Variants in DIAPH2 observed in about 807,000 individuals in gnomAD.
DIAPH2 encodes diaphanous related formin 2, also known as protein diaphanous homolog 2.
In DIAPH2, 35 loss-of-function variants were observed where a neutral mutation model predicts 92.7. The ratio of observed to expected loss-of-function variants is 0.38; its 90% CI spans 0.29 to 0.50. The LOEUF is 0.50. DIAPH2 is among the 20% of genes least tolerant of loss of function. The pLI, the probability that DIAPH2 is intolerant of heterozygous loss-of-function variation, is 0.94. For missense variants in DIAPH2, 701 were observed against 819.5 expected, an observed-to-expected ratio of 0.86 and a Z score of 1.77; for synonymous variants, 301 against 280.4, an observed-to-expected ratio of 1.07 and a Z score of -0.73.
intron 5 of DIAPH2, chrX:96,885,013 A>G (rs2065249987): frequency 1.7e-6 from 2 of 1,211,208 alleles, no homozygotes; most frequent in East Asian, 3.0e-5. Flanking sequence ...CGTCAAGGCC[A>G]TCAAGGAAGC....
chrX:97,439,593 G>GAAAAC (rs1488863768), intron 26 of DIAPH2, among the ~76,000 whole-genome samples: 1 of 108,805 alleles, frequency 9.2e-6, no homozygotes, highest in Non-Finnish European at 1.9e-5. Context: ...GAAAAGAAAA[G>GAAAAC]AAAATTAGCC....
At chrX:97,436,886 G>A (rs1206738526) in intron 26 of DIAPH2, among the ~76,000 whole-genome samples, 1 of 111,989 alleles carries the variant, frequency 8.9e-6, no homozygotes, top group East Asian at 2.8e-4. Flanking sequence ...CAAAGTAGGG[G>A]GGAAATGCCT....
At chrX:97,467,049 C>A (rs1013775828) in intron 26 of DIAPH2, among the ~76,000 whole-genome samples, 7 of 112,110 alleles carry the variant, frequency 6.2e-5, no homozygotes, top group Non-Finnish European at 3.8e-5. Context: ...AGATTCATCA[C>A]TCTAGTTTCT....
intron 23 of DIAPH2, among the ~76,000 whole-genome samples, chrX:97,345,528 A>T (rs2069149216): frequency 8.9e-6 from 1 of 111,865 alleles, no homozygotes. Flanking sequence ...AGAAAATCTT[A>T]TAAAGTCAAG....
chrX:97,278,004 C>A (rs2068465764), intron 23 of DIAPH2, among the ~76,000 whole-genome samples: 1 of 111,541 alleles, frequency 9.0e-6, no homozygotes, highest in Non-Finnish European at 1.9e-5. Context: ...CGCCACCACG[C>A]CTAGTTAATT....
At chrX:97,116,690 T>A (rs2067019081) in intron 21 of DIAPH2, among the ~76,000 whole-genome samples, 1 of 111,913 alleles carries the variant, frequency 8.9e-6, no homozygotes, top group South Asian at 3.7e-4. Context: ...AGATACCTAT[T>A]TTGCATTTAA....
At chrX:97,477,624 A>G (rs1456332322) in intron 26 of DIAPH2, among the ~76,000 whole-genome samples, 2 of 108,462 alleles carry the variant, frequency 1.8e-5, no homozygotes, top group Non-Finnish European at 3.8e-5. Flanking sequence ...CTATCTATCT[A>G]TCTATATATA....
chrX:97,511,511 G>C (rs1376938687), intron 26 of DIAPH2, among the ~76,000 whole-genome samples: 1 of 108,232 alleles, frequency 9.2e-6, no homozygotes, highest in East Asian at 3.0e-4. Flanking sequence ...TCCTTCTCCT[G>C]CCTAATTGCC....
At chrX:97,274,634 T>G (rs181544980) in intron 23 of DIAPH2, among the ~76,000 whole-genome samples, 5,073 of 104,790 alleles carry the variant, frequency 0.048, 133 homozygotes, top group Non-Finnish European at 0.076. Flanking sequence ...TTTTTTTTTG[T>G]TTTTTTTTTG....
intron 26 of DIAPH2, among the ~76,000 whole-genome samples, chrX:97,463,001 A>G (rs1364859692): frequency 2.7e-5 from 3 of 111,678 alleles, no homozygotes; most frequent in African/African-American, 3.3e-5. Flanking sequence ...ACAAAAAGCT[A>G]TTTAAACTGG....
chrX:97,254,934 G>T (rs1178818186), intron 23 of DIAPH2, among the ~76,000 whole-genome samples: 4 of 110,288 alleles, frequency 3.6e-5, no homozygotes, highest in African/African-American at 1.3e-4. Context: ...TCGAACTCCT[G>T]ACCTTGTGAC....
intron 16 of DIAPH2, among the ~76,000 whole-genome samples, chrX:96,958,593 T>C (rs1366178948): frequency 3.6e-5 from 4 of 111,821 alleles, no homozygotes; most frequent in African/African-American, 1.3e-4. Context: ...ATTCAGATCT[T>C]CTCTTCTAGT....
intron 26 of DIAPH2, among the ~76,000 whole-genome samples, chrX:97,470,071 T>C (rs775101731): frequency 9.0e-6 from 1 of 111,651 alleles, no homozygotes; most frequent in South Asian, 3.8e-4. Flanking sequence ...ACAAAAGCAG[T>C]CTAACATATG....
At chrX:96,863,331 T>C (rs780333911) in intron 4 of DIAPH2, among the ~76,000 whole-genome samples, 7 of 108,214 alleles carry the variant, frequency 6.5e-5, no homozygotes, top group Admixed American at 2.0e-4. Flanking sequence ...CTCAACTCTT[T>C]CATTATCACT....
chrX:96,746,255 G>A (rs1437210458), intron 3 of DIAPH2, among the ~76,000 whole-genome samples: 1 of 112,154 alleles, frequency 8.9e-6, no homozygotes, highest in African/African-American at 3.2e-5. Flanking sequence ...TATTAAGAGA[G>A]TGTCTTTCAT....
At chrX:96,955,350 C>G (rs2065803949) in intron 15 of DIAPH2, among the ~76,000 whole-genome samples, 1 of 111,837 alleles carries the variant, frequency 8.9e-6, no homozygotes, top group Non-Finnish European at 1.9e-5. Context: ...TGGTCCCGCC[C>G]TTGACACGTG....
At chrX:97,087,157 G>C (rs1324940217) in intron 19 of DIAPH2, among the ~76,000 whole-genome samples, 1 of 111,485 alleles carries the variant, frequency 9.0e-6, no homozygotes, top group African/African-American at 3.3e-5. Flanking sequence ...AAGGGGCATT[G>C]GATTCCGTTT....
intron 26 of DIAPH2, among the ~76,000 whole-genome samples, chrX:97,441,796 G>C (rs2070261897): frequency 8.9e-6 from 1 of 112,937 alleles, no homozygotes; most frequent in African/African-American, 3.2e-5. Flanking sequence ...CCTGGCGACA[G>C]AGCGAGACTC....
chrX:96,957,513 G>A (rs1477610644), intron 15 of DIAPH2, among the ~76,000 whole-genome samples: 1 of 111,194 alleles, frequency 9.0e-6, no homozygotes, highest in African/African-American at 3.3e-5. Context: ...GTGAGAGCTT[G>A]CTCATGATCA....
Sources: gnomAD v4.1 joint callset for allele counts (sites outside exome capture counted in the v4.1 genomes callset) on GRCh38, gnomAD v4.1.1 for gene constraint, MANE v1.5 for transcripts, NCBI Gene and HGNC (gene_info 2026-07-23, HGNC 2026-07-21) for gene names.